The following TRIM49C variants were observed in gnomAD, a reference collection of about 807,000 sequenced individuals.
TRIM49C encodes tripartite motif-containing protein 49C.
A neutral mutation model predicts 21.4 loss-of-function variants in TRIM49C; 6 were observed. The ratio of observed to expected loss-of-function variants is 0.28; its 90% CI spans 0.15 to 0.55. TRIM49C has a LOEUF of 0.55. Among genes scored for constraint, TRIM49C ranks in the 20% least tolerant of loss-of-function variants. The probability of loss-of-function intolerance (pLI) is 0.94; values close to 1 mark genes in which losing one functional copy is unlikely to be tolerated. For missense variants in TRIM49C, 161 were observed against 442.4 expected, an observed-to-expected ratio of 0.36 and a Z score of 5.71; for synonymous variants, 57 against 148.1, an observed-to-expected ratio of 0.38 and a Z score of 4.47.
chr11:90,039,604 C>T (rs1950754872), intron 6 of TRIM49C, among the ~76,000 whole-genome samples: 1 of 129,584 alleles, frequency 7.7e-6, no homozygotes, highest in Non-Finnish European at 1.6e-5. Context: ...TCTAAATATT[C>T]TCAAGGCCAT....
chr11:90,066,025 CTT>C, the TRIM49C span, among the ~76,000 whole-genome samples: 1 of 138,598 alleles, frequency 7.2e-6, no homozygotes, highest in African/African-American at 2.6e-5. Flanking sequence ...CTTGCTAACT[CTT>C]TTTTTTCTTT....
chr11:90,053,841 C>A, the TRIM49C span: 6,440 of 128,206 alleles, frequency 0.05, 486 homozygotes, highest in Admixed American at 0.11. Context: ...TAGCTCCCGC[C>A]CCAAGCCCGG....
At chr11:90,039,406 GA>G (rs1317887291) in intron 6 of TRIM49C, among the ~76,000 whole-genome samples, 1 of 128,954 alleles carries the variant, frequency 7.8e-6, no homozygotes, top group African/African-American at 2.9e-5. Flanking sequence ...AAAATAGATT[GA>G]AAAAAACTGT....
At chr11:90,039,081 G>A (rs1449350332) in intron 6 of TRIM49C, among the ~76,000 whole-genome samples, 3 of 134,462 alleles carry the variant, frequency 2.2e-5, no homozygotes, top group African/African-American at 5.4e-5. Flanking sequence ...CACCACACCC[G>A]GCTAATTTTT....
At chr11:90,060,009 T>G in the TRIM49C span, among the ~76,000 whole-genome samples, 1 of 138,790 alleles carries the variant, frequency 7.2e-6, no homozygotes, top group African/African-American at 2.8e-5. Flanking sequence ...TTGGTCAGGA[T>G]GGATGGATTG....
rs659881 is a variant in TRIM49C at position 90,033,957 on chromosome 11, C to A, written c.-4-1251C>A. ...GGATACTCTGTCTCAAAAAAAAAAA[C>A]AAAAAAAAAAACTAAAAACACCTGA... On this transcript the variant is annotated intron_variant, in intron 2 of 7. Transcript: ENST00000448984. Among the ~76,000 whole-genome samples the A allele has an allele frequency of 1.4e-3, 168 of 116,592 alleles. 2 individuals carry two copies. The highest frequency in any genetic ancestry group is 4.6e-3 in the African/African-American group (143 of 30,800). The allele number at this position is 116,592 out of a possible 152,430, so 76.5% of individuals were successfully genotyped here. A position where few individuals can be genotyped will look rare whatever the true frequency, so the allele number is the denominator to read the frequency against.
At chr11:90,035,037 A>C (rs1389752831) in intron 2 of TRIM49C, among the ~76,000 whole-genome samples, 171 bp from the exon 3 acceptor site, 1 of 136,426 alleles carries the variant, frequency 7.3e-6, no homozygotes, top group African/African-American at 2.8e-5. Context: ...TTATAAAGCC[A>C]GGAGACTCCC....
chr11:90,069,987 C>A, the TRIM49C span, among the ~76,000 whole-genome samples: 2 of 134,114 alleles, frequency 1.5e-5, 1 homozygote, highest in Non-Finnish European at 3.1e-5. Context: ...TGTCCCTGAA[C>A]TCCCTTGACC....
At chr11:90,049,261 G>A in the TRIM49C span, among the ~76,000 whole-genome samples, 8 of 109,750 alleles carry the variant, frequency 7.3e-5, 3 homozygotes, top group African/African-American at 3.0e-4. Context: ...TCTGTGCTGG[G>A]AGAACCACTA....
chr11:90,071,001 G>A, the TRIM49C span: 1 of 408,770 alleles, frequency 2.4e-6, no homozygotes, highest in Admixed American at 3.9e-5. Flanking sequence ...TTGCCATGTT[G>A]TCCAGGCTAG....
At chr11:90,043,224 A>G (rs1177434480), downstream of TRIM49C, among the ~76,000 whole-genome samples, 1 of 145,370 alleles carries the variant, frequency 6.9e-6, no homozygotes, top group African/African-American at 2.5e-5. Context: ...CAGGAGTTCC[A>G]GACCAGTGGA....
At chr11:90,061,612 T>G in the TRIM49C span, among the ~76,000 whole-genome samples, 1 of 97,562 alleles carries the variant, frequency 1.0e-5, no homozygotes, top group Non-Finnish European at 1.9e-5. Context: ...ATTATGCAGT[T>G]TTTTTTTACT....
the TRIM49C span, among the ~76,000 whole-genome samples, chr11:90,055,252 T>C: frequency 7.0e-6 from 1 of 142,036 alleles, no homozygotes; most frequent in East Asian, 2.0e-4. Flanking sequence ...ATAAGTGTTT[T>C]CAAAATTTGG....
intron 2 of TRIM49C, among the ~76,000 whole-genome samples, chr11:90,034,017 A>C (rs1011877956): frequency 7.7e-6 from 1 of 129,200 alleles, no homozygotes; most frequent in Non-Finnish European, 1.6e-5. Flanking sequence ...TCCACAAGCT[A>C]TACATGATTC....
In TRIM49C at chr11:90,038,676, C is replaced by G; in HGVS notation, c.739-17C>G. Reference sequence around the variant, plus strand: ...TTGTGAAATGCACTAAATCTTTCTTCTTTTTTTTTTTTTCAGGCTTTTGGA... The same window carrying G: ...TTGTGAAATGCACTAAATCTTTCTTGTTTTTTTTTTTTTCAGGCTTTTGGA... On this transcript the variant is annotated splice_polypyrimidine_tract_variant and intron_variant, in intron 5 of 7. Coordinates refer to ENST00000448984, the MANE Select transcript of TRIM49C (RefSeq NM_001195234.1). The G allele has an allele frequency of 1.2e-6, 1 of 815,736 alleles. No individual in the cohort carries two copies. The highest frequency in any genetic ancestry group is 2.2e-5 in the South Asian group (1 of 45,118). The allele number at this position is 815,736 out of a possible 1,614,324, so 50.5% of individuals were successfully genotyped here.
chr11:90,048,650 T>G, the TRIM49C span, among the ~76,000 whole-genome samples: 1 of 134,666 alleles, frequency 7.4e-6, no homozygotes, highest in Non-Finnish European at 1.6e-5. Context: ...CCTTGGTTAT[T>G]CTAGTTAGCC....
At chr11:90,067,854 G>C in the TRIM49C span, among the ~76,000 whole-genome samples, 4 of 137,980 alleles carry the variant, frequency 2.9e-5, 1 homozygote, top group Non-Finnish European at 6.2e-5. Flanking sequence ...TCATTATAAG[G>C]GTTTTCAGCC....
chr11:90,059,844 T>C, the TRIM49C span, among the ~76,000 whole-genome samples: 4 of 147,220 alleles, frequency 2.7e-5, no homozygotes, highest in African/African-American at 1.0e-4. Flanking sequence ...GGGTCATTGA[T>C]GCTTTTAGGA....
At chr11:90,069,941 G>A in the TRIM49C span, among the ~76,000 whole-genome samples, 5 of 125,988 alleles carry the variant, frequency 4.0e-5, no homozygotes, top group Middle Eastern at 0.016. Context: ...TGACCTCGAC[G>A]GCATCCTCCT....
Sources: allele counts gnomAD v4.1 joint callset (sites outside exome capture counted in the v4.1 genomes callset), GRCh38; gene constraint gnomAD v4.1.1; transcripts MANE v1.5; gene names NCBI Gene and HGNC (gene_info 2026-07-23, HGNC 2026-07-21).